The following KAZN variants were observed in gnomAD, a reference collection of about 807,000 sequenced individuals.
The protein encoded by KAZN is kazrin.
In KAZN, 40 loss-of-function variants were observed where a neutral mutation model predicts 87.4. That is an observed-to-expected ratio of 0.46 (90% CI 0.36 to 0.60). The LOEUF is 0.60. KAZN is among the 20% of genes least tolerant of loss of function. KAZN has a pLI of 0.00. For synonymous variants in KAZN, 466 were observed against 458.3 expected (o/e 1.02, Z -0.22); for missense variants, 898 against 1,073.9 (o/e 0.84, Z 2.29).
chr1:15,106,562 A>AT (rs1275875482), intron 13 of KAZN, among the ~76,000 whole-genome samples: 1 of 152,128 alleles, frequency 6.6e-6, no homozygotes, highest in Non-Finnish European at 1.5e-5. Context: ...GTGGGGACAA[A>AT]TAGGGTGGGT....
rs184135179 is a variant in KAZN, at chr1:14,339,194, G to T, written c.249+158602G>T. Among the ~76,000 whole-genome samples, 14 of 152,194 alleles carry T rather than the reference G, an allele frequency of 9.2e-5. No homozygotes were observed. In the East Asian group the frequency reaches 2.3e-3, roughly 25 times the overall value. On this transcript the variant is annotated intron_variant, in intron 2 of 16. Coordinates refer to the KAZN transcript ENST00000636203. ...AGAAAGAAAGAACATAAAAACAGGC[G>T]TTCAAAGCTCCCAAATGCTATCATC... is the stretch of plus-strand genomic sequence containing the variant.
chr1:14,515,288 A>G (rs560540628), intron 2 of KAZN, among the ~76,000 whole-genome samples: 2 of 152,296 alleles, frequency 1.3e-5, no homozygotes, highest in South Asian at 2.1e-4. Flanking sequence ...AATTTAAGCA[A>G]CTTGTCCAAT....
intron 2 of KAZN, among the ~76,000 whole-genome samples, chr1:15,032,180 CTTTTTTTTTTTTTCT>C (rs774444201): frequency 0.018 from 1,518 of 82,716 alleles, 36 homozygotes; most frequent in South Asian, 0.092. Flanking sequence ...GTGGACATTT[CTTTTTTTTTTTTTCT>C]TTTTTTTTTT....
chr1:14,615,067 G>A (rs895985960), intron 1 of KAZN, among the ~76,000 whole-genome samples: 4 of 152,190 alleles, frequency 2.6e-5, no homozygotes, highest in African/African-American at 7.2e-5. Flanking sequence ...TGTAAATGTC[G>A]TTAACAAATG....
intron 2 of KAZN, among the ~76,000 whole-genome samples, chr1:14,506,232 A>G (rs1457828325): frequency 2.0e-5 from 3 of 152,134 alleles, no homozygotes; most frequent in Non-Finnish European, 4.4e-5. Flanking sequence ...TTAAGAGGAC[A>G]TGTTTTTTCT....
chr1:15,053,560 G>T (rs901741647), intron 4 of KAZN, among the ~76,000 whole-genome samples: 1 of 152,168 alleles, frequency 6.6e-6, no homozygotes. Flanking sequence ...GACAGAACTG[G>T]CCCACATCAT....
intron 2 of KAZN, among the ~76,000 whole-genome samples, chr1:14,399,503 G>A (rs1000067823): frequency 5.4e-5 from 8 of 146,844 alleles, no homozygotes; most frequent in African/African-American, 4.9e-5. Context: ...AGACATCTAG[G>A]ACTCTCTCAG....
chr1:14,280,464 G>T (rs1652766437), intron 2 of KAZN, among the ~76,000 whole-genome samples: 1 of 151,422 alleles, frequency 6.6e-6, no homozygotes, highest in Admixed American at 6.6e-5. Flanking sequence ...GGGAACTGTG[G>T]ACTCAGACAG....
At position 15,101,681 on chromosome 1, in the gene KAZN, C is replaced by T. The variant is rs1393146796; in HGVS notation, c.1686C>T (p.Asp562=). 6.3e-7 allele frequency: 1 copy of T among 1,593,714 alleles called. No homozygotes were observed. The highest frequency in any genetic ancestry group is 1.7e-5 in the Admixed American group (1 of 57,500). The part of the protein sequence containing the change: ...GRMLNSLMKR[D]LEKHLNVSKK... ...TGCTGAATTCCCTGATGAAGCGAGA[C>T]CTGGAGAAGCACCTGAACGTGTCCA... The change falls in exon 11 of 15, where the codon GAC becomes GAT. Residue 562 remains aspartate, a synonymous_variant. Transcript: ENST00000376030.
At chr1:14,106,391 A>G (rs1036566136) in intron 1 of KAZN, among the ~76,000 whole-genome samples, 5 of 152,340 alleles carry the variant, frequency 3.3e-5, no homozygotes, top group Middle Eastern at 3.4e-3. Context: ...TCTCCGGGAA[A>G]GCTAACCTAT....
chr1:14,646,516 G>C (rs1395495275), intron 1 of KAZN, among the ~76,000 whole-genome samples: 3 of 152,168 alleles, frequency 2.0e-5, no homozygotes, highest in Non-Finnish European at 4.4e-5. Context: ...CATTTACCAA[G>C]GTATCCCCTT....
At chr1:13,940,992 C>T (rs747530188) in intron 1 of KAZN, among the ~76,000 whole-genome samples, 17 of 152,032 alleles carry the variant, frequency 1.1e-4, no homozygotes, top group Non-Finnish European at 2.1e-4. Context: ...GTCAGGAGTT[C>T]GAGACCAGCT....
chr1:14,419,984 C>T (rs1434935836), intron 2 of KAZN, among the ~76,000 whole-genome samples: 1 of 152,172 alleles, frequency 6.6e-6, no homozygotes, highest in Admixed American at 6.5e-5. Flanking sequence ...ACTCCCGGCT[C>T]CGGCAGCCTG....
At chr1:14,638,304 C>T (rs1212525713) in intron 1 of KAZN, among the ~76,000 whole-genome samples, 1 of 152,174 alleles carries the variant, frequency 6.6e-6, no homozygotes, top group African/African-American at 2.4e-5. Context: ...CGTGGTGACT[C>T]TTGCCTGTAA....
intron 1 of KAZN, among the ~76,000 whole-genome samples, chr1:14,068,822 G>A (rs112829360): frequency 0.025 from 3,741 of 148,280 alleles, 122 homozygotes; most frequent in South Asian, 0.11. Context: ...TTTTTGAGAC[G>A]GAGTCTTGTC....
At chr1:14,229,342 G>A (rs1477213492) in intron 2 of KAZN, among the ~76,000 whole-genome samples, 1 of 152,116 alleles carries the variant, frequency 6.6e-6, no homozygotes, top group Non-Finnish European at 1.5e-5. Context: ...GTTTATAAAA[G>A]CCTTCGAGTG....
Position 14,897,171 on chromosome 1 carries a change from A to C in KAZN, c.227-63513A>C, listed in dbSNP as rs193189846. On this transcript the variant is annotated intron_variant, in intron 1 of 14. Transcript: ENST00000376030. Reference sequence around the variant, plus strand: ...AGTTCTGAACATTATACTTGTTCACAGTGATATCAAAGAAAGGGAAGGAGT... The same window carrying C: ...AGTTCTGAACATTATACTTGTTCACCGTGATATCAAAGAAAGGGAAGGAGT... Among the ~76,000 whole-genome samples the C allele has an allele frequency of 2.4e-4, 36 of 152,314 alleles. No individual in the cohort carries two copies. In the East Asian group the frequency reaches 6.0e-3, roughly 25 times the overall value.
intron 2 of KAZN, among the ~76,000 whole-genome samples, chr1:14,488,555 G>C (rs1282205946): frequency 2.0e-5 from 3 of 152,180 alleles, no homozygotes; most frequent in Non-Finnish European, 4.4e-5. Flanking sequence ...AACCTCATAG[G>C]CTCAGTCTGA....
In KAZN at chr1:14,862,167, AGAGT is replaced by A. The variant is rs558679627; in HGVS notation, c.227-98513_227-98510del. ...CCCCTCCTCTCAAGGATCGAATAAT[AGAGT>A]GAGATTCGCACAGATCTCAAATCAT... is the stretch of plus-strand genomic sequence containing the variant. On this transcript the variant is annotated intron_variant, in intron 1 of 14. Transcript: ENST00000376030. Among the ~76,000 whole-genome samples, 11 of 152,370 alleles carry A rather than the reference AGAGT, an allele frequency of 7.2e-5. No individual in the cohort carries two copies. In the South Asian group the frequency reaches 2.1e-3, roughly 29 times the overall value.
Sources: allele counts gnomAD v4.1 joint callset (sites outside exome capture counted in the v4.1 genomes callset), GRCh38; gene constraint gnomAD v4.1.1; transcripts MANE v1.5; gene names NCBI Gene and HGNC (gene_info 2026-07-23, HGNC 2026-07-21).